The following RBM19 variants were observed in gnomAD, a reference collection of about 807,000 sequenced individuals.
RBM19 encodes RNA binding motif protein 19, also known as probable RNA-binding protein 19.
RBM19 carries 94 observed loss-of-function variants against 116.8 expected under a neutral mutation model. The observed-to-expected ratio is 0.80, with a 90% CI of 0.68 to 0.95. RBM19 has a LOEUF of 0.95. RBM19 is among the 40% of genes least tolerant of loss of function. The pLI is 0.00. For missense variants in RBM19, 1,161 were observed against 1,220.7 expected (o/e 0.95, Z 0.73); for synonymous variants, 475 against 494.1 (o/e 0.96, Z 0.51).
Position 113,937,015 on chromosome 12 carries a change from G to T in RBM19, c.2060C>A (p.Pro687Gln). Residue 687 changes from proline to glutamine, a missense_variant, in exon 16 of 24, where the codon CCA becomes CAA. Physicochemically the swap from Pro to Gln is moderately conservative, Grantham distance 76 (BLOSUM62 -1). Coordinates refer to ENST00000261741, the MANE Select transcript of RBM19 (RefSeq NM_016196.4). ...SEPMEKDPAE[P>Q]ETVPDGETPE... ...TCAGACTCAGCTCTTACCTGTTTCT[G>T]GCTCTGCTGGGTCCTTTTCCATGGG... 2 of 1,613,912 alleles carry T rather than the reference G, an allele frequency of 1.2e-6. No individual in the cohort carries two copies. The highest frequency in any genetic ancestry group is 1.7e-6 in the Non-Finnish European group (2 of 1,179,938).
chr12:113,937,101 T>C lies in RBM19; in HGVS notation c.1974A>G (p.Pro658=), dbSNP rs1228918204. ...HHVPLYLEWA[P]VGVFSSTAPQ... is the part of the protein sequence containing the mutation. ...GGGCTGTGCTGGAGAAGACGCCAAC[T>C]GGAGCCCACTCCAGATAGAGGGGGA... The change falls in exon 16 of 24, where the codon CCA becomes CCG. Residue 658 remains proline, a synonymous_variant. Coordinates refer to ENST00000261741, the MANE Select transcript of RBM19 (RefSeq NM_016196.4). 6.2e-7 allele frequency: 1 copy of C among 1,614,066 alleles called. No individual in the cohort carries two copies. Among genetic ancestry groups the C allele is most frequent in the Non-Finnish European group, 8.5e-7 (1 of 1,179,970 alleles).
intron 21 of RBM19, among the ~76,000 whole-genome samples, chr12:113,879,745 C>T (rs1034446399): frequency 6.6e-6 from 1 of 152,100 alleles, no homozygotes; most frequent in Non-Finnish European, 1.5e-5. Context: ...GCTCGGGCTA[C>T]ATCCAGCATT....
intron 15 of RBM19, among the ~76,000 whole-genome samples, chr12:113,937,826 G>C (rs1290743222): frequency 6.6e-6 from 1 of 151,666 alleles, no homozygotes; most frequent in African/African-American, 2.4e-5. Flanking sequence ...GATGACACCT[G>C]CCTCATTAGG....
chr12:113,875,679 A>T (rs1453224824), intron 21 of RBM19, among the ~76,000 whole-genome samples: 4 of 152,238 alleles, frequency 2.6e-5, no homozygotes. Context: ...CCTGAGGCAG[A>T]AGTGAAGAGA....
At chr12:113,946,755 C>T (rs1028951733) in intron 11 of RBM19, among the ~76,000 whole-genome samples, 2 of 152,334 alleles carry the variant, frequency 1.3e-5, no homozygotes, top group Non-Finnish European at 2.9e-5. Flanking sequence ...AAGCCTGCAT[C>T]GCATCCTGTC....
chr12:113,948,765 G>T, intron 10 of RBM19, 68 bp downstream of exon 10: 1 of 1,521,634 alleles, frequency 6.6e-7, no homozygotes, highest in African/African-American at 1.4e-5. Context: ...TTGAACCCAG[G>T]ACGTCAGAGT....
At chr12:113,873,933 A>T (rs566399797) in intron 21 of RBM19, among the ~76,000 whole-genome samples, 1 of 152,304 alleles carries the variant, frequency 6.6e-6, no homozygotes, top group African/African-American at 2.4e-5. Context: ...ATATCTCGCC[A>T]TCACCCTGGA....
At chr12:113,922,371 CAG>C (rs1868653765) in intron 18 of RBM19, among the ~76,000 whole-genome samples, 1 of 152,182 alleles carries the variant, frequency 6.6e-6, no homozygotes, top group South Asian at 2.1e-4. Context: ...GGATGGGCCC[CAG>C]AGAACAGGGG....
chr12:113,966,058 C>A, intron 1 of RBM19, 134 bp downstream of exon 1: 2 of 973,356 alleles, frequency 2.1e-6, no homozygotes, highest in South Asian at 1.4e-5. Flanking sequence ...GATCCCGCCC[C>A]CTTTGAGTTC....
In RBM19 at chr12:113,861,074, C is replaced by A. The variant is rs532642999; in HGVS notation, c.2559-2178G>T. ...ATGAAGAAACCAAGGCTCTGGGAGC[C>A]AGGGATCCTTCCTCACAGGCAACAG... On this transcript the variant is annotated intron_variant, in intron 21 of 23. Transcript: ENST00000261741. Among the ~76,000 whole-genome samples, 4 of 152,326 alleles carry A rather than the reference C, an allele frequency of 2.6e-5. No homozygotes were observed. The East Asian group carries it at 7.7e-4, about 29-fold the overall frequency.
chr12:113,827,414 G>A (rs1438381829), intron 23 of RBM19, among the ~76,000 whole-genome samples: 1 of 148,398 alleles, frequency 6.7e-6, no homozygotes, highest in Admixed American at 6.9e-5. Context: ...TTAATTCCTT[G>A]ACAGAATGCC....
chr12:113,862,747 C>T (rs1392144777), intron 21 of RBM19, among the ~76,000 whole-genome samples: 1 of 152,154 alleles, frequency 6.6e-6, no homozygotes, highest in Non-Finnish European at 1.5e-5. Context: ...GAAGGAGATG[C>T]ACACCACACT....
At chr12:113,946,970 C>T (rs541004789) in intron 11 of RBM19, among the ~76,000 whole-genome samples, 2 of 152,184 alleles carry the variant, frequency 1.3e-5, no homozygotes, top group Non-Finnish European at 2.9e-5. Flanking sequence ...TCTTTTATTC[C>T]ACTGTGGCCA....
chr12:113,919,000 C>G, intron 19 of RBM19, among the ~76,000 whole-genome samples: 1 of 152,112 alleles, frequency 6.6e-6, no homozygotes. Flanking sequence ...CAATGATGTC[C>G]AGAACATAAT....
At chr12:113,952,994 C>G (rs1311921761) in intron 7 of RBM19, among the ~76,000 whole-genome samples, 1 of 152,128 alleles carries the variant, frequency 6.6e-6, no homozygotes, top group Non-Finnish European at 1.5e-5. Flanking sequence ...TTAATTAAAG[C>G]ATGTGATTTT....
At chr12:113,863,081 G>T (rs189947749) in intron 21 of RBM19, among the ~76,000 whole-genome samples, 47 of 152,158 alleles carry the variant, frequency 3.1e-4, no homozygotes, top group African/African-American at 1.0e-3. Context: ...AAGGGAGGAG[G>T]GGGGAGGAGG....
chr12:113,959,368 C>T lies in RBM19; in HGVS notation c.415G>A (p.Val139Ile). ...EDTEFQEFLS[V>I]HQRRAQAATW... ...GCTGCCTGCGCCCGCCTCTGATGAA[C>T]TGACAGAAACTCCTGGAACTCTGTA... The change falls in exon 5 of 24, where the codon GTT becomes ATT. Residue 139 changes from valine to isoleucine, a missense_variant. Coordinates refer to ENST00000261741, the MANE Select transcript of RBM19 (RefSeq NM_016196.4). 1 of 1,611,524 alleles carries T rather than the reference C, an allele frequency of 6.2e-7. No individual in the cohort carries two copies. The highest frequency in any genetic ancestry group is 8.5e-7 in the Non-Finnish European group (1 of 1,177,764).
chr12:113,958,026 G>A lies in RBM19; in HGVS notation c.596C>T (p.Ala199Val). The A allele has an allele frequency of 1.2e-6, 2 of 1,612,964 alleles. No individual in the cohort carries two copies. The highest frequency in any genetic ancestry group is 1.7e-6 in the Non-Finnish European group (2 of 1,179,440). Residue 199 changes from alanine (A) to valine (V), a missense_variant, in exon 6 of 24, where the codon GCA becomes GTA. Physicochemically the swap from Ala to Val is moderately conservative, Grantham distance 64. Coordinates refer to ENST00000261741, the MANE Select transcript of RBM19 (RefSeq NM_016196.4). ...GTCCGACAGCTCCTTCTGCACAGCT[G>A]CCTTTGGTTCGAGGCTTGCCTCTTC... is the stretch of plus-strand genomic sequence containing the variant. The part of the protein sequence containing the change: ...LEEEASLEPK[A>V]AVQKELSDMD...
chr12:113,924,511 A>C (rs1868878546), intron 18 of RBM19, among the ~76,000 whole-genome samples, 186 bp downstream of exon 18: 1 of 152,012 alleles, frequency 6.6e-6, no homozygotes, highest in Non-Finnish European at 1.5e-5. Context: ...TGGAAAGGAG[A>C]CTCCAGGGGA....
Sources: gnomAD v4.1 joint callset for allele counts (sites outside exome capture counted in the v4.1 genomes callset) on GRCh38, gnomAD v4.1.1 for gene constraint, MANE v1.5 for transcripts, NCBI Gene and HGNC (gene_info 2026-07-23, HGNC 2026-07-21) for gene names.